SSBP2: variants seen among roughly 807,000 people sequenced by gnomAD.
SSBP2 encodes single stranded DNA binding protein 2.
In SSBP2, 17 loss-of-function variants were observed where a neutral mutation model predicts 61.8. That is an observed-to-expected ratio of 0.28 (90% CI 0.19 to 0.41). SSBP2 has a LOEUF of 0.41. Among genes scored for constraint, SSBP2 ranks in the 10% least tolerant of loss-of-function variants. SSBP2 has a pLI of 1.00. For synonymous variants in SSBP2, 139 were observed against 141.3 expected (o/e 0.98, Z 0.12); for missense variants, 310 against 458.7 (o/e 0.68, Z 2.96).
chr5:81,744,404 C>T (rs181860335), intron 1 of SSBP2, among the ~76,000 whole-genome samples: 5 of 152,036 alleles, frequency 3.3e-5, no homozygotes, highest in African/African-American at 1.2e-4. Flanking sequence ...ATATTAATTT[C>T]AGGTAAGAGC....
chr5:81,616,857 A>C (rs1354559025), intron 3 of SSBP2, among the ~76,000 whole-genome samples: 4 of 152,134 alleles, frequency 2.6e-5, no homozygotes, highest in African/African-American at 9.7e-5. Context: ...CACCTCACAC[A>C]GCCGGGTACT....
At chr5:81,551,024 A>G (rs1056687762) in intron 4 of SSBP2, among the ~76,000 whole-genome samples, 2 of 140,956 alleles carry the variant, frequency 1.4e-5, no homozygotes, top group East Asian at 2.2e-4. Context: ...TGAACCCGGG[A>G]GGTAGATCTT....
chr5:81,564,626 A>G (rs1415071251), intron 4 of SSBP2, among the ~76,000 whole-genome samples: 1 of 152,200 alleles, frequency 6.6e-6, no homozygotes, highest in Non-Finnish European at 1.5e-5. Flanking sequence ...GAACCAAGTT[A>G]CCCATTCTCA....
At chr5:81,433,603 A>AG (rs1762481335) in intron 15 of SSBP2, among the ~76,000 whole-genome samples, 1 of 151,610 alleles carries the variant, frequency 6.6e-6, no homozygotes, top group African/African-American at 2.4e-5. Context: ...AAAAAAAAAA[A>AG]AAAAAAGAAA....
intron 4 of SSBP2, 88 bp from the exon 5 acceptor site, chr5:81,513,805 T>C: frequency 2.6e-6 from 2 of 756,736 alleles, no homozygotes; most frequent in South Asian, 3.4e-5. Context: ...CAGGACGGGA[T>C]GCTCTTTCAT....
intron 16 of SSBP2, among the ~76,000 whole-genome samples, chr5:81,422,381 T>C (rs913048506): frequency 2.0e-5 from 3 of 152,100 alleles, no homozygotes; most frequent in African/African-American, 7.2e-5. Context: ...AGCTGGCACA[T>C]GTCTGGGCCA....
At chr5:81,635,997 G>T (rs1175051889) in intron 3 of SSBP2, among the ~76,000 whole-genome samples, 1 of 152,088 alleles carries the variant, frequency 6.6e-6, no homozygotes, top group Non-Finnish European at 1.5e-5. Context: ...GATTTGAGGG[G>T]GTGGGCATTA....
chr5:81,596,934 G>A (rs1743809067), intron 4 of SSBP2, among the ~76,000 whole-genome samples: 3 of 150,116 alleles, frequency 2.0e-5, no homozygotes, highest in Admixed American at 2.0e-4. Context: ...CACGGGCAAG[G>A]ACTTCATGTC....
At chr5:81,730,429 T>C (rs1756185644) in intron 1 of SSBP2, among the ~76,000 whole-genome samples, 2 of 152,160 alleles carry the variant, frequency 1.3e-5, no homozygotes, top group Non-Finnish European at 2.9e-5. Flanking sequence ...TTCACCATGT[T>C]GGCCAGGCTG....
chr5:81,422,745 G>A (rs533824271), intron 16 of SSBP2, among the ~76,000 whole-genome samples: 28 of 151,552 alleles, frequency 1.8e-4, no homozygotes, highest in Admixed American at 7.2e-4. Flanking sequence ...GATCATAGCA[G>A]CAGAAAAGCA....
Position 81,727,542 on chromosome 5 carries a change from T to C in SSBP2, c.62+23439A>G, listed in dbSNP as rs534768422. 9.4e-5 allele frequency among the ~76,000 whole-genome samples: 14 copies of C among 148,638 alleles called. No individual in the cohort carries two copies. In the East Asian group the frequency reaches 1.8e-3, roughly 19 times the overall value. On this transcript the variant is annotated intron_variant, in intron 1 of 16. Coordinates refer to ENST00000320672, the MANE Select transcript of SSBP2 (RefSeq NM_012446.5). The stretch of plus-strand genomic sequence containing the variant: ...CCAACCTGAGCAACAAGAGCAAAAC[T>C]CCACCTCAAAAAAAAAAATCTCATG...
At chr5:81,633,530 ATCTC>A (rs1190121233) in intron 3 of SSBP2, among the ~76,000 whole-genome samples, 3 of 151,660 alleles carry the variant, frequency 2.0e-5, no homozygotes, top group East Asian at 1.9e-4. Context: ...CCATTCAACC[ATCTC>A]TCTCTCTCTT....
rs564178024 is a variant in SSBP2, at chr5:81,691,754, A to T, written c.63-41415T>A. 3.0e-4 allele frequency among the ~76,000 whole-genome samples: 45 copies of T among 152,264 alleles called. No homozygotes were observed. In the South Asian group the frequency reaches 6.8e-3, roughly 23 times the overall value. ...TGATACCAAAACCAGACAAAGACAC[A>T]TCAAAAAAAGAAAACTACAAGCCAA... On this transcript the variant is annotated intron_variant, in intron 1 of 16. Transcript: ENST00000320672.
At chr5:81,750,928 G>A in intron 1 of SSBP2, 53 bp downstream of exon 1, 1 of 1,541,170 alleles carries the variant, frequency 6.5e-7, no homozygotes, top group Non-Finnish European at 8.8e-7. Flanking sequence ...GAGTGCGTGC[G>A]TGAGTGTGCG....
chr5:81,436,177 G>C (rs1762663896), intron 15 of SSBP2, among the ~76,000 whole-genome samples: 1 of 91,332 alleles, frequency 1.1e-5, no homozygotes, highest in East Asian at 3.7e-4. Context: ...AACAGAGCAA[G>C]ACTCCATCAA....
Position 81,447,020 on chromosome 5 carries a change from G to A in SSBP2, c.724-98C>T, listed in dbSNP as rs1763447487. The A allele has an allele frequency of 5.2e-6, 4 of 762,816 alleles. No individual in the cohort carries two copies. The Admixed American group carries it at 1.0e-4, about 20-fold the overall frequency. 47.3% of individuals were successfully genotyped at this position (762,816 alleles called of 1,614,324 possible). Reference sequence around the variant, plus strand: ...ATAATAATCCAATTTGAAAATAAGAGCAGAAATATATTTTCTCTAATTTAT... The same window carrying A: ...ATAATAATCCAATTTGAAAATAAGAACAGAAATATATTTTCTCTAATTTAT... On this transcript the variant is annotated intron_variant, in intron 11 of 16. Transcript: ENST00000320672.
intron 5 of SSBP2, among the ~76,000 whole-genome samples, chr5:81,490,030 T>TA (rs74271580): frequency 0.023 from 3,083 of 135,898 alleles, 48 homozygotes; most frequent in South Asian, 0.1. Context: ...TTTCATTTCT[T>TA]AAAAAAAAAA....
chr5:81,479,613 TAC>T (rs1765837087), intron 6 of SSBP2, among the ~76,000 whole-genome samples: 1 of 152,034 alleles, frequency 6.6e-6, no homozygotes, highest in African/African-American at 2.4e-5. Flanking sequence ...ACAAAAGATC[TAC>T]ACACTGGCAG....
intron 9 of SSBP2, among the ~76,000 whole-genome samples, chr5:81,465,455 A>C (rs1462568646): frequency 1.3e-5 from 2 of 152,052 alleles, no homozygotes; most frequent in Non-Finnish European, 2.9e-5. Flanking sequence ...TTAATCTCTC[A>C]ATGGTCACAT....
Sources: allele counts gnomAD v4.1 joint callset (sites outside exome capture counted in the v4.1 genomes callset), GRCh38; gene constraint gnomAD v4.1.1; transcripts MANE v1.5; gene names NCBI Gene and HGNC (gene_info 2026-07-23, HGNC 2026-07-21).